The following UNC5B variants were observed in gnomAD, a reference collection of about 807,000 sequenced individuals.
UNC5B encodes netrin receptor UNC5B.
In UNC5B, 56 loss-of-function variants were observed where a neutral mutation model predicts 103.7. The ratio of observed to expected loss-of-function variants is 0.54; its 90% CI spans 0.44 to 0.67. UNC5B has a LOEUF of 0.67. Among genes scored for constraint, UNC5B ranks in the 30% least tolerant of loss-of-function variants. UNC5B has a pLI of 0.00. For synonymous variants in UNC5B, 577 were observed against 542.0 expected, an observed-to-expected ratio of 1.06 and a Z score of -0.90; for missense variants, 1,194 against 1,284.5, an observed-to-expected ratio of 0.93 and a Z score of 1.08.
chr10:71,227,721 C>T (rs1373097506), intron 1 of UNC5B, among the ~76,000 whole-genome samples: 1 of 142,854 alleles, frequency 7.0e-6, no homozygotes, highest in African/African-American at 2.6e-5. Flanking sequence ...CACACACACA[C>T]ACACACACAC....
In UNC5B at chr10:71,299,139, G is replaced by T; in HGVS notation, c.2700G>T (p.Ala900=). 6.2e-7 allele frequency: 1 copy of T among 1,614,198 alleles called. No individual in the cohort carries two copies. Among genetic ancestry groups the T allele is most frequent in the Non-Finnish European group, 8.5e-7 (1 of 1,180,038 alleles). The change falls in exon 17 of 17, where the codon GCG becomes GCT. Residue 900 remains alanine, a synonymous_variant. Coordinates refer to ENST00000335350, the MANE Select transcript of UNC5B (RefSeq NM_170744.5). Reference sequence around the variant, plus strand: ...ACCTGAATTACTTTGCCACCAAAGCGAGCCCCACGGGTGTGATCCTGGACC... The same window carrying T: ...ACCTGAATTACTTTGCCACCAAAGCTAGCCCCACGGGTGTGATCCTGGACC... ...DRYLNYFATK[A]SPTGVILDLW... is the part of the protein sequence containing the mutation.
Position 71,297,983 on chromosome 10 carries a change from C to T in UNC5B, c.2565C>T (p.Ala855=). 4 of 1,614,034 alleles carry T rather than the reference C, an allele frequency of 2.5e-6. No homozygotes were observed. The highest frequency in any genetic ancestry group is 3.4e-6 in the Non-Finnish European group (4 of 1,180,008). ...STVTTQLGPY[A]FKIPLSIRQK... ...TCACCACCCAGCTGGGACCTTATGC[C>T]TTCAAGATCCCACTGTCCATCCGCC... is the stretch of plus-strand genomic sequence containing the variant. The change falls in exon 16 of 17, where the codon GCC becomes GCT. Residue 855 remains alanine, a synonymous_variant. Transcript: ENST00000335350.
chr10:71,241,432 C>T (rs1198258587), intron 1 of UNC5B, among the ~76,000 whole-genome samples: 2 of 152,228 alleles, frequency 1.3e-5, no homozygotes, highest in African/African-American at 4.8e-5. Context: ...GCGTAGCCCT[C>T]TCCAGTCAGA....
At chr10:71,293,958 A>G (rs759672429) in intron 13 of UNC5B, 25 bp downstream of exon 13, 4 of 1,562,206 alleles carry the variant, frequency 2.6e-6, no homozygotes, top group South Asian at 1.2e-5. Flanking sequence ...AGGTGCCCAC[A>G]CAGCCCTGGC....
intron 1 of UNC5B, among the ~76,000 whole-genome samples, chr10:71,221,588 G>T (rs1347685712): frequency 6.6e-6 from 1 of 152,224 alleles, no homozygotes; most frequent in Non-Finnish European, 1.5e-5. Context: ...AAAACCATGG[G>T]CCTGACTCTT....
intron 1 of UNC5B, among the ~76,000 whole-genome samples, chr10:71,239,465 C>T (rs570713934): frequency 6.6e-6 from 1 of 152,236 alleles, no homozygotes; most frequent in South Asian, 2.1e-4. Flanking sequence ...GTTAGGGGCT[C>T]CTCATGCATG....
intron 1 of UNC5B, chr10:71,217,745 C>T (rs898956683): frequency 5.9e-4 from 89 of 151,858 alleles, no homozygotes; most frequent in East Asian, 1.2e-3. Flanking sequence ...AAGCGCTGGG[C>T]TGCTGGGCGC....
At position 71,295,819 on chromosome 10, in the gene UNC5B, G is replaced by A. The variant is rs1238843955; in HGVS notation, c.2184G>A (p.Leu728=). ...ATGCCCCTGGCCCACAGGAGGTGCTGGAGCTGGAGCGGACTCTGGGCGGAT... is the reference window on the plus strand; with the variant it reads ...ATGCCCCTGGCCCACAGGAGGTGCTAGAGCTGGAGCGGACTCTGGGCGGAT... ...EDTPVALKEV[L]ELERTLGGYL... Residue 728 remains leucine, a synonymous_variant, in exon 14 of 17, where the codon CTG becomes CTA. Coordinates refer to ENST00000335350, the MANE Select transcript of UNC5B (RefSeq NM_170744.5). 2 of 1,612,306 alleles carry A rather than the reference G, an allele frequency of 1.2e-6. No homozygotes were observed. The highest frequency in any genetic ancestry group is 2.1e-4 in the Middle Eastern group (1 of 4,822).
In UNC5B at chr10:71,288,683, C is replaced by T. The variant is rs778141431; in HGVS notation, c.1017C>T (p.Ser339=). 11 of 1,612,438 alleles carry T rather than the reference C, an allele frequency of 6.8e-6. No homozygotes were observed. The highest frequency in any genetic ancestry group is 6.7e-5 in the African/African-American group (5 of 74,912). ...PPPQNGGRDC[S]GTLLDSKNCT... is the part of the protein sequence containing the mutation. ...CCCAGAACGGAGGCCGTGACTGCAG[C>T]GGGACGCTGCTCGACTCTAAGAACT... The change falls in exon 7 of 17, where the codon AGC becomes AGT. Residue 339 remains serine (S), a synonymous_variant. Coordinates refer to ENST00000335350, the MANE Select transcript of UNC5B (RefSeq NM_170744.5).
intron 2 of UNC5B, among the ~76,000 whole-genome samples, chr10:71,280,852 C>A (rs1051456147): frequency 1.3e-5 from 2 of 152,212 alleles, no homozygotes; most frequent in Admixed American, 1.3e-4. Flanking sequence ...TGGGACCCCC[C>A]CTTCAGTCAC....
chr10:71,294,696 CAGA>C (rs1222478794), intron 13 of UNC5B, among the ~76,000 whole-genome samples: 1 of 151,784 alleles, frequency 6.6e-6, no homozygotes, highest in Non-Finnish European at 1.5e-5. Flanking sequence ...CTAGCATATG[CAGA>C]AGGATGGAGA....
intron 1 of UNC5B, among the ~76,000 whole-genome samples, chr10:71,279,104 C>T (rs888546485): frequency 1.3e-5 from 2 of 152,188 alleles, no homozygotes; most frequent in African/African-American, 2.4e-5. Flanking sequence ...TCCTCATCTG[C>T]TGTGCTGAGG....
At chr10:71,273,348 T>A (rs2394792) in intron 1 of UNC5B, among the ~76,000 whole-genome samples, 20,818 of 152,192 alleles carry the variant, frequency 0.14, 2,282 homozygotes, top group African/African-American at 0.3. Flanking sequence ...CTCACAGTGC[T>A]GGGTGAGGCT....
intron 1 of UNC5B, among the ~76,000 whole-genome samples, chr10:71,222,241 G>T (rs1843467385): frequency 6.6e-6 from 1 of 152,166 alleles, no homozygotes; most frequent in Admixed American, 6.5e-5. Flanking sequence ...ATCTACCCAG[G>T]AGACAAATTC....
chr10:71,239,475 G>T (rs1460387586), intron 1 of UNC5B, among the ~76,000 whole-genome samples: 1 of 152,120 alleles, frequency 6.6e-6, no homozygotes, highest in African/African-American at 2.4e-5. Context: ...CCTCATGCAT[G>T]TCACTGGCTG....
intron 1 of UNC5B, among the ~76,000 whole-genome samples, chr10:71,237,473 C>T (rs530249552): frequency 1.3e-5 from 2 of 152,366 alleles, no homozygotes; most frequent in East Asian, 1.9e-4. Context: ...GGCTCTGCCT[C>T]TTACTGACCA....
chr10:71,273,008 C>T (rs1387634093), intron 1 of UNC5B, among the ~76,000 whole-genome samples: 1 of 152,198 alleles, frequency 6.6e-6, no homozygotes, highest in East Asian at 1.9e-4. Context: ...TGTGCCTCAG[C>T]CCCCCGAGTA....
intron 1 of UNC5B, among the ~76,000 whole-genome samples, chr10:71,223,843 G>A (rs1217617812): frequency 1.3e-5 from 2 of 152,232 alleles, no homozygotes; most frequent in African/African-American, 4.8e-5. Context: ...TGTGGGCTGA[G>A]CAGGTGTATC....
chr10:71,288,544 C>T (rs956008971), intron 6 of UNC5B, 24 bp from the exon 7 acceptor site: 18 of 1,603,346 alleles, frequency 1.1e-5, no homozygotes, highest in Admixed American at 1.7e-5. Context: ...CGTGCACATG[C>T]TCCTGTATGC....
Sources: allele counts gnomAD v4.1 joint callset (sites outside exome capture counted in the v4.1 genomes callset), GRCh38; gene constraint gnomAD v4.1.1; transcripts MANE v1.5; gene names NCBI Gene and HGNC (gene_info 2026-07-23, HGNC 2026-07-21).